Variants in PLCG2 observed in about 807,000 individuals in gnomAD.
PLCG2 encodes the protein phospholipase C gamma 2, also known as 1-phosphatidylinositol 4,5-bisphosphate phosphodiesterase gamma-2.
A neutral mutation model predicts 175.6 loss-of-function variants in PLCG2; 69 were observed. The ratio of observed to expected loss-of-function variants is 0.39; its 90% CI spans 0.32 to 0.48. The LOEUF (loss-of-function observed/expected upper bound fraction) is 0.48. Ranked by LOEUF, PLCG2 falls within the 20% of genes least tolerant of loss-of-function variation. The pLI, the probability that PLCG2 is intolerant of heterozygous loss-of-function variation, is 0.91. For synonymous variants in PLCG2, 827 were observed against 624.0 expected (o/e 1.33, Z -4.85); for missense variants, 1,798 against 1,650.9 (o/e 1.09, Z -1.54).
intron 8 of PLCG2, among the ~76,000 whole-genome samples, chr16:81,882,968 G>T (rs1229714962): frequency 6.6e-6 from 1 of 152,052 alleles, no homozygotes; most frequent in African/African-American, 2.4e-5. Flanking sequence ...CTTCCCCATG[G>T]CCACACTCCT....
chr16:81,891,766 C>G (rs761166277), intron 11 of PLCG2, among the ~76,000 whole-genome samples, 176 bp downstream of exon 11: 3 of 152,178 alleles, frequency 2.0e-5, no homozygotes, highest in Non-Finnish European at 1.5e-5. Context: ...AACACACTTC[C>G]CTTTGTCAGC....
chr16:81,817,512 G>A (rs540478613), intron 2 of PLCG2, among the ~76,000 whole-genome samples: 1 of 152,378 alleles, frequency 6.6e-6, no homozygotes, highest in South Asian at 2.1e-4. Context: ...TTTGTCAGCT[G>A]TGTTTGGTGT....
chr16:81,921,530 G>A (rs187243479), intron 21 of PLCG2: 138 of 471,780 alleles, frequency 2.9e-4, no homozygotes, highest in African/African-American at 2.0e-3. Flanking sequence ...TGGGCCAAAT[G>A]GCTTCTAATG....
intron 25 of PLCG2, among the ~76,000 whole-genome samples, chr16:81,934,047 G>C (rs968131706): frequency 6.6e-6 from 1 of 152,170 alleles, no homozygotes; most frequent in Non-Finnish European, 1.5e-5. Context: ...GGTCCACAGA[G>C]CCCCCGAGGA....
upstream of PLCG2, among the ~76,000 whole-genome samples, chr16:81,778,215 A>T (rs940340402): frequency 6.6e-6 from 1 of 152,042 alleles, no homozygotes; most frequent in Non-Finnish European, 1.5e-5. Context: ...ATGTCGAAAA[A>T]AGAGAAAATT....
At chr16:81,879,775 C>G (rs1407406638) in intron 7 of PLCG2, among the ~76,000 whole-genome samples, 1 of 152,112 alleles carries the variant, frequency 6.6e-6, no homozygotes, top group African/African-American at 2.4e-5. Flanking sequence ...GTACAATGCA[C>G]AGAAAATGGG....
intron 6 of PLCG2, among the ~76,000 whole-genome samples, chr16:81,869,619 G>T (rs1907417351): frequency 6.6e-6 from 1 of 152,126 alleles, no homozygotes; most frequent in African/African-American, 2.4e-5. Flanking sequence ...CTAGTGAAAT[G>T]AATGCATGTA....
At chr16:81,766,161 C>A (rs1384542768) in intron 2 of PLCG2, among the ~76,000 whole-genome samples, 1 of 152,198 alleles carries the variant, frequency 6.6e-6, no homozygotes, top group Non-Finnish European at 1.5e-5. Context: ...ATGGCAACAG[C>A]TGTGACCTTT....
chr16:81,764,571 G>A (rs1373782832), intron 2 of PLCG2, among the ~76,000 whole-genome samples: 1 of 152,202 alleles, frequency 6.6e-6, no homozygotes, highest in Non-Finnish European at 1.5e-5. Context: ...TCCAGCCCAT[G>A]CAGTTGTCTT....
At chr16:81,929,880 T>G (rs1173314133) in intron 24 of PLCG2, among the ~76,000 whole-genome samples, 1 of 152,244 alleles carries the variant, frequency 6.6e-6, no homozygotes, top group African/African-American at 2.4e-5. Flanking sequence ...TGGTGCTCTT[T>G]GTATCATCTT....
At chr16:81,860,145 A>G (rs1351739659) in intron 5 of PLCG2, among the ~76,000 whole-genome samples, 1 of 100,390 alleles carries the variant, frequency 1.0e-5, no homozygotes, top group African/African-American at 3.5e-5. Flanking sequence ...CTTATTTACT[A>G]TTATTATTAT....
intron 7 of PLCG2, among the ~76,000 whole-genome samples, chr16:81,878,856 T>G (rs11640696): frequency 0.46 from 69,828 of 151,948 alleles, 16,237 homozygotes; most frequent in Non-Finnish European, 0.49. Context: ...TTGGCTTTCA[T>G]TTGTTCTTTT....
At chr16:81,932,592 C>A (rs184403748) in intron 25 of PLCG2, among the ~76,000 whole-genome samples, 99 of 152,316 alleles carry the variant, frequency 6.5e-4, no homozygotes, top group Non-Finnish European at 1.3e-3. Context: ...AGATAGTCAC[C>A]CACCAGTGGC....
chr16:81,887,556 A>C (rs1353997795), intron 9 of PLCG2, among the ~76,000 whole-genome samples: 1 of 152,218 alleles, frequency 6.6e-6, no homozygotes, highest in Non-Finnish European at 1.5e-5. Flanking sequence ...CATATTTGCA[A>C]GAGTCAACAG....
At chr16:81,767,217 T>G (rs1910170577) in intron 2 of PLCG2, among the ~76,000 whole-genome samples, 1 of 138,370 alleles carries the variant, frequency 7.2e-6, no homozygotes, top group South Asian at 2.5e-4. Flanking sequence ...CAATCTCGGC[T>G]CACTGCAACT....
At chr16:81,886,810 C>T (rs1287038095) in intron 9 of PLCG2, among the ~76,000 whole-genome samples, 4 of 152,090 alleles carry the variant, frequency 2.6e-5, no homozygotes, top group Non-Finnish European at 5.9e-5. Flanking sequence ...CGTGTGGGGC[C>T]GAGTATAGAG....
At chr16:81,954,590 G>A (rs1911492881) in intron 31 of PLCG2, among the ~76,000 whole-genome samples, 1 of 152,140 alleles carries the variant, frequency 6.6e-6, no homozygotes, top group African/African-American at 2.4e-5. Context: ...ATGGTATTTG[G>A]TTTTCCATTC....
intron 7 of PLCG2, among the ~76,000 whole-genome samples, chr16:81,879,830 C>G (rs1425314925): frequency 6.6e-6 from 1 of 152,096 alleles, no homozygotes; most frequent in Non-Finnish European, 1.5e-5. Context: ...CATGGCGCCC[C>G]CCTTGGTGGA....
chr16:81,783,038 C>G, intron 1 of PLCG2: 2 of 443,076 alleles, frequency 4.5e-6, no homozygotes, highest in South Asian at 3.2e-5. Context: ...CTGGAAGTAA[C>G]TGGGACCCTG....
Sources: gnomAD v4.1 joint callset for allele counts (sites outside exome capture counted in the v4.1 genomes callset) on GRCh38, gnomAD v4.1.1 for gene constraint, MANE v1.5 for transcripts, NCBI Gene and HGNC (gene_info 2026-07-23, HGNC 2026-07-21) for gene names.